EPG5: variants seen among roughly 807,000 people sequenced by gnomAD.
EPG5 encodes ectopic P-granules 5 autophagy tethering factor.
Under a neutral mutation model 302.7 loss-of-function variants are expected in EPG5, and 159 were observed. That is an observed-to-expected ratio of 0.53 (90% confidence interval 0.46 to 0.60). The LOEUF (loss-of-function observed/expected upper bound fraction) is 0.60, where lower values mean the gene tolerates loss of function less well. Ranked by LOEUF, EPG5 falls within the 20% of genes least tolerant of loss-of-function variation. The probability of loss-of-function intolerance (pLI) is 0.00; values close to 1 mark genes in which losing one functional copy is unlikely to be tolerated. For missense variants in EPG5, 2,896 were observed against 3,092.4 expected, an observed-to-expected ratio of 0.94 and a Z score of 1.51; for synonymous variants, 1,158 against 1,136.8, an observed-to-expected ratio of 1.02 and a Z score of -0.37.
intron 9 of EPG5, among the ~76,000 whole-genome samples, chr18:45,940,396 G>A (rs2050637157): frequency 6.6e-6 from 1 of 152,196 alleles, no homozygotes; most frequent in African/African-American, 2.4e-5. Context: ...CAGTGAATGG[G>A]CTGACTCACA....
intron 32 of EPG5, among the ~76,000 whole-genome samples, chr18:45,879,809 G>T (rs934375346): frequency 1.1e-4 from 17 of 152,204 alleles, no homozygotes; most frequent in African/African-American, 3.9e-4. Context: ...AGAGGTCTCA[G>T]GGTGGAGTCC....
intron 3 of EPG5, 112 bp from the exon 4 acceptor site, chr18:45,951,350 A>C (rs1490943719): frequency 2.9e-6 from 2 of 686,986 alleles, no homozygotes; most frequent in African/African-American, 3.7e-5. Flanking sequence ...TTTAGTGCAG[A>C]TAAAAGGAGA....
chr18:45,837,859 C>T, the EPG5 span: 5 of 1,535,144 alleles, frequency 3.3e-6, no homozygotes, highest in Middle Eastern at 2.0e-4. Context: ...TCCATGACCG[C>T]TACGAGAGCC....
At chr18:45,943,723 C>T (rs1020537435) in intron 8 of EPG5, among the ~76,000 whole-genome samples, 5 of 152,046 alleles carry the variant, frequency 3.3e-5, no homozygotes, top group Non-Finnish European at 5.9e-5. Context: ...AGATGGAGAC[C>T]ATCCTGGCTA....
At chr18:45,818,732 CTTT>C in the EPG5 span, among the ~76,000 whole-genome samples, 2 of 111,424 alleles carry the variant, frequency 1.8e-5, no homozygotes, top group Non-Finnish European at 1.7e-5. Context: ...TTTTGCATAA[CTTT>C]TTTTTTTTTT....
intron 43 of EPG5, among the ~76,000 whole-genome samples, 196 bp from the exon 44 acceptor site, chr18:45,852,845 A>G (rs2048442953): frequency 6.6e-6 from 1 of 152,230 alleles, no homozygotes; most frequent in Admixed American, 6.5e-5. Context: ...CAGCAGCCCA[A>G]GCCTCTGTGG....
At chr18:45,900,589 A>G (rs2049591824) in intron 26 of EPG5, among the ~76,000 whole-genome samples, 1 of 152,112 alleles carries the variant, frequency 6.6e-6, no homozygotes, top group African/African-American at 2.4e-5. Flanking sequence ...ACTTTTCCAC[A>G]CTTCAATCAA....
chr18:45,948,708 A>G, intron 5 of EPG5, 132 bp from the exon 6 acceptor site: 1 of 672,216 alleles, frequency 1.5e-6, no homozygotes, highest in Non-Finnish European at 2.6e-6. Context: ...AATACACAAG[A>G]GTAAAGCACA....
At chr18:45,936,784 T>TAAAA (rs201568940) in intron 10 of EPG5, among the ~76,000 whole-genome samples, 2 of 135,050 alleles carry the variant, frequency 1.5e-5, no homozygotes, top group Non-Finnish European at 3.2e-5. Flanking sequence ...GTTATTAAAT[T>TAAAA]AAAAAAAAAA....
In EPG5 at chr18:45,951,150, A is replaced by C; in HGVS notation, c.1341T>G (p.Asn447Lys). Residue 447 changes from asparagine (N) to lysine (K), a missense_variant, in exon 4 of 44, where the codon AAT (asparagine) becomes AAG (lysine). Physicochemically the swap from Asn to Lys is moderately conservative, Grantham distance 94. Around this residue, in one of 5 missense-constraint regions of EPG5, gnomAD observed 1,390 missense variants for 1,430.0 expected, o/e 0.97. Transcript: ENST00000282041. Reference sequence around the variant, plus strand: ...TATCATCATGAAACTGAGTATCTTCATTAACTCTCCTGGTGAACATGAATA... The same window carrying C: ...TATCATCATGAAACTGAGTATCTTCCTTAACTCTCCTGGTGAACATGAATA... ...SVLFMFTRRV[N>K]EDTQFHDDIL... The C allele has an allele frequency of 6.3e-7, 1 of 1,597,202 alleles. No individual in the cohort carries two copies. Among genetic ancestry groups the C allele is most frequent in the Non-Finnish European group, 8.5e-7 (1 of 1,173,240 alleles).
At chr18:45,875,776 C>T (rs932750583) in intron 35 of EPG5, among the ~76,000 whole-genome samples, 2 of 152,200 alleles carry the variant, frequency 1.3e-5, no homozygotes, top group East Asian at 1.9e-4. Flanking sequence ...ACCTAAAGGC[C>T]GGGCGTGGTG....
intron 1 of EPG5, 61 bp from the exon 2 acceptor site, chr18:45,955,399 G>T: frequency 8.2e-7 from 1 of 1,220,290 alleles, no homozygotes; most frequent in Non-Finnish European, 1.1e-6. Context: ...TTCAGCAGGA[G>T]GAATTTTAAA....
Position 45,934,855 on chromosome 18 carries a change from C to G in EPG5, c.2211G>C (p.Gln737His). Reference sequence around the variant, plus strand: ...GGGCGGGCTGCAGGGAGGAGGAGAGCTGCTGCAGGTTCTCGCTCTCCACCT... The same window carrying G: ...GGGCGGGCTGCAGGGAGGAGGAGAGGTGCTGCAGGTTCTCGCTCTCCACCT... Reference protein sequence around the residue: ...MHQVESENLQQLSSSLQPAQC... With the variant: ...MHQVESENLQHLSSSLQPAQC... Residue 737 changes from glutamine (Q) to histidine (H), a missense_variant, in exon 11 of 44, where the codon CAG (glutamine) becomes CAC (histidine). Physicochemically the swap from Gln to His is conservative, Grantham distance 24. This residue lies in a region of EPG5 where 1,390 missense variants were observed against 1,430.0 expected (regional missense o/e 0.97). Transcript: ENST00000282041. 1 of 1,614,160 alleles carries G rather than the reference C, an allele frequency of 6.2e-7. No individual in the cohort carries two copies. Among genetic ancestry groups the G allele is most frequent in the Non-Finnish European group, 8.5e-7 (1 of 1,180,036 alleles).
At chr18:45,856,545 A>G (rs552554195) in intron 42 of EPG5, among the ~76,000 whole-genome samples, 1 of 152,252 alleles carries the variant, frequency 6.6e-6, no homozygotes, top group East Asian at 1.9e-4. Context: ...GTTACCATGG[A>G]AAGTTTTAAG....
intron 27 of EPG5, among the ~76,000 whole-genome samples, chr18:45,895,923 A>C (rs2049461136): frequency 6.6e-6 from 1 of 152,182 alleles, no homozygotes. Flanking sequence ...AATATTATCC[A>C]TTTGGGTATT....
intron 9 of EPG5, among the ~76,000 whole-genome samples, chr18:45,941,814 A>G (rs1224825846): frequency 6.6e-6 from 1 of 152,234 alleles, no homozygotes; most frequent in Non-Finnish European, 1.5e-5. Flanking sequence ...ACTTCTGTTA[A>G]TAACAGGTAG....
At chr18:45,856,121 C>T (rs1343676240) in intron 42 of EPG5, among the ~76,000 whole-genome samples, 1 of 152,168 alleles carries the variant, frequency 6.6e-6, no homozygotes. Context: ...GCATTATCTG[C>T]AATAGCCAAA....
At chr18:45,801,661 C>A in the EPG5 span, among the ~76,000 whole-genome samples, 2 of 152,312 alleles carry the variant, frequency 1.3e-5, no homozygotes, top group African/African-American at 4.8e-5. Flanking sequence ...CCTTCCATTC[C>A]TTTCCCAGTC....
chr18:45,895,172 T>C (rs952852712), intron 27 of EPG5, among the ~76,000 whole-genome samples: 4 of 152,172 alleles, frequency 2.6e-5, no homozygotes, highest in Non-Finnish European at 4.4e-5. Flanking sequence ...GAAGTGATGA[T>C]ATTGATGCCT....
Sources: gnomAD v4.1 joint callset for allele counts (sites outside exome capture counted in the v4.1 genomes callset) on GRCh38, gnomAD v4.1.1 for gene constraint, gnomAD v4.1.1 regional missense constraint, MANE v1.5 for transcripts, NCBI Gene and HGNC (gene_info 2026-07-23, HGNC 2026-07-21) for gene names.